The following ADK variants were observed in gnomAD, a reference collection of about 807,000 sequenced individuals.
The protein encoded by ADK is N6,N6-dimethyladenosine kinase.
A neutral mutation model predicts 44.7 loss-of-function variants in ADK; 24 were observed. The observed-to-expected ratio is 0.54, with a 90% CI of 0.39 to 0.76. The LOEUF is 0.76. Among genes scored for constraint, ADK ranks in the 30% least tolerant of loss-of-function variants. The probability of loss-of-function intolerance (pLI) is 0.00; values close to 1 mark genes in which losing one functional copy is unlikely to be tolerated. For synonymous variants in ADK, 128 were observed against 142.6 expected, an observed-to-expected ratio of 0.90 and a Z score of 0.73; for missense variants, 321 against 425.1, an observed-to-expected ratio of 0.76 and a Z score of 2.15.
intron 10 of ADK, among the ~76,000 whole-genome samples, chr10:74,697,290 G>A (rs1487786244): frequency 6.6e-6 from 1 of 152,162 alleles, no homozygotes; most frequent in Non-Finnish European, 1.5e-5. Flanking sequence ...TGTAATCCCA[G>A]CACTTTGGGA....
chr10:74,175,903 A>G (rs1462521517), intron 1 of ADK, among the ~76,000 whole-genome samples: 2 of 152,130 alleles, frequency 1.3e-5, no homozygotes, highest in Non-Finnish European at 2.9e-5. Flanking sequence ...CAATTTCTTA[A>G]CTCTTCAACT....
intron 7 of ADK, chr10:74,527,686 G>C (rs544455360): frequency 8.5e-7 from 1 of 1,170,814 alleles, no homozygotes; most frequent in Admixed American, 1.7e-5. Flanking sequence ...TGTCAAAAAT[G>C]CCTCTCTTAT....
At chr10:74,249,700 T>A (rs1845574885) in intron 3 of ADK, among the ~76,000 whole-genome samples, 1 of 152,190 alleles carries the variant, frequency 6.6e-6, no homozygotes, top group Non-Finnish European at 1.5e-5. Flanking sequence ...AGAATCTTGC[T>A]CTTAGATACA....
chr10:74,559,853 A>G (rs1221637854), intron 7 of ADK, among the ~76,000 whole-genome samples: 1 of 144,536 alleles, frequency 6.9e-6, no homozygotes, highest in Non-Finnish European at 1.5e-5. Flanking sequence ...AAGTTTTTTC[A>G]TGTTGTTTTT....
intron 3 of ADK, among the ~76,000 whole-genome samples, chr10:74,233,624 T>C (rs1389509000): frequency 1.3e-5 from 2 of 152,230 alleles, no homozygotes; most frequent in Non-Finnish European, 1.5e-5. Flanking sequence ...CTTCTTGACA[T>C]AGTTTAATAC....
chr10:74,693,322 A>G (rs1160552173), intron 10 of ADK, among the ~76,000 whole-genome samples: 1 of 152,174 alleles, frequency 6.6e-6, no homozygotes, highest in Non-Finnish European at 1.5e-5. Flanking sequence ...CTGCCCAAAA[A>G]TATAAAGTCT....
intron 4 of ADK, among the ~76,000 whole-genome samples, chr10:74,345,923 C>G (rs1015756835): frequency 2.6e-5 from 4 of 152,070 alleles, no homozygotes; most frequent in Non-Finnish European, 4.4e-5. Flanking sequence ...GAGATGCAGT[C>G]TCTCTCTGTT....
intron 9 of ADK, among the ~76,000 whole-genome samples, chr10:74,654,116 C>A (rs996711180): frequency 6.6e-6 from 1 of 152,162 alleles, no homozygotes; most frequent in Non-Finnish European, 1.5e-5. Flanking sequence ...ATGGAAAGTC[C>A]ATGATTAGAA....
At chr10:74,517,643 T>C (rs1848645700) in intron 6 of ADK, among the ~76,000 whole-genome samples, 1 of 151,434 alleles carries the variant, frequency 6.6e-6, no homozygotes, top group South Asian at 2.1e-4. Flanking sequence ...GAGCTGTGAT[T>C]GCACCACTGC....
At chr10:74,481,089 T>C (rs142350231) in intron 6 of ADK, among the ~76,000 whole-genome samples, 1 of 152,300 alleles carries the variant, frequency 6.6e-6, no homozygotes, top group Non-Finnish European at 1.5e-5. Flanking sequence ...ATGGTGCACT[T>C]TGTAATTTAT....
At chr10:74,440,508 TAA>T (rs1198163778) in intron 6 of ADK, among the ~76,000 whole-genome samples, 2 of 152,164 alleles carry the variant, frequency 1.3e-5, no homozygotes, top group African/African-American at 4.8e-5. Flanking sequence ...ATTAATAAAT[TAA>T]GTTAGGCTTT....
At chr10:74,274,069 GAACA>G (rs1456427538) in intron 3 of ADK, among the ~76,000 whole-genome samples, 2 of 151,910 alleles carry the variant, frequency 1.3e-5, no homozygotes, top group African/African-American at 2.4e-5. Context: ...CTTGGCCATT[GAACA>G]ATATGGGGGT....
intron 9 of ADK, among the ~76,000 whole-genome samples, chr10:74,619,058 G>T (rs1010510584): frequency 7.2e-6 from 1 of 138,462 alleles, no homozygotes; most frequent in Non-Finnish European, 1.6e-5. Flanking sequence ...GTGTGTGTGT[G>T]TTTTACCCCT....
chr10:74,671,119 CT>C (rs1333816282), intron 10 of ADK, among the ~76,000 whole-genome samples: 1 of 147,100 alleles, frequency 6.8e-6, no homozygotes, highest in Non-Finnish European at 1.5e-5. Context: ...TCATGGGAAA[CT>C]TATTTAAGTT....
At chr10:74,530,399 C>G (rs1849235217) in intron 7 of ADK, 1 of 152,086 alleles carries the variant, frequency 6.6e-6, no homozygotes. Flanking sequence ...AAATCAAACA[C>G]ACTTGGCCCT....
intron 10 of ADK, among the ~76,000 whole-genome samples, chr10:74,691,479 T>C (rs1169778579): frequency 6.6e-6 from 1 of 152,160 alleles, no homozygotes; most frequent in Non-Finnish European, 1.5e-5. Context: ...ATAAAGAACA[T>C]TGGTAACTTA....
At chr10:74,323,574 CTTT>C (rs869227224) in intron 4 of ADK, among the ~76,000 whole-genome samples, 4 of 143,718 alleles carry the variant, frequency 2.8e-5, no homozygotes. Context: ...CTTTTCTTTT[CTTT>C]TTTTTTTTTT....
At chr10:74,279,699 C>T (rs965298861) in intron 3 of ADK, among the ~76,000 whole-genome samples, 3 of 151,538 alleles carry the variant, frequency 2.0e-5, no homozygotes, top group Admixed American at 6.6e-5. Context: ...CATCTTACCT[C>T]GAATTTTTTT....
chr10:74,445,309 T>C (rs1845556398), intron 6 of ADK, among the ~76,000 whole-genome samples: 1 of 151,970 alleles, frequency 6.6e-6, no homozygotes, highest in Non-Finnish European at 1.5e-5. Context: ...GTTCCTATAA[T>C]TAATTTCAGT....
Sources: allele counts gnomAD v4.1 joint callset (sites outside exome capture counted in the v4.1 genomes callset), GRCh38; gene constraint gnomAD v4.1.1; transcripts MANE v1.5; gene names NCBI Gene and HGNC (gene_info 2026-07-23, HGNC 2026-07-21).